The following TFDP2 variants were observed in gnomAD, a reference collection of about 807,000 sequenced individuals.
TFDP2 encodes transcription factor Dp-2 (E2F dimerization partner 2).
Under a neutral mutation model 59.3 loss-of-function variants are expected in TFDP2, and 17 were observed. The observed-to-expected ratio is 0.29, with a 90% CI of 0.20 to 0.43. The LOEUF is 0.43. Ranked by LOEUF, TFDP2 falls within the 20% of genes least tolerant of loss-of-function variation. The pLI is 1.00. For missense variants in TFDP2, 391 were observed against 528.8 expected (o/e 0.74, Z 2.56); for synonymous variants, 180 against 194.7 (o/e 0.92, Z 0.63).
intron 3 of TFDP2, among the ~76,000 whole-genome samples, chr3:142,011,382 T>C (rs1367488974): frequency 1.2e-4 from 17 of 138,800 alleles, no homozygotes; most frequent in South Asian, 7.3e-4. Flanking sequence ...TAGGTGGGAA[T>C]TGAATATTGA....
chr3:141,977,089 C>T (rs1576542796), intron 7 of TFDP2, among the ~76,000 whole-genome samples: 1 of 110,946 alleles, frequency 9.0e-6, no homozygotes, highest in Non-Finnish European at 1.7e-5. Context: ...CAGTCATAGC[C>T]ATATATATAT....
At position 142,105,655 on chromosome 3, in the gene TFDP2, G is replaced by C. The variant is rs189612019; in HGVS notation, c.-92-3814C>G. Among the ~76,000 whole-genome samples, 156 of 152,242 alleles carry C rather than the reference G, an allele frequency of 1.0e-3. 1 individual carries two copies. The highest frequency in any genetic ancestry group is 3.7e-3 in the African/African-American group (153 of 41,544). On this transcript the variant is annotated intron_variant, in intron 1 of 12. Transcript: ENST00000489671. ...AGTATTACTATTTCAGCACAATATA[G>C]TAAGAGGGTACCAATAAAAATAGCC...
At chr3:142,108,840 G>A (rs925296873) in intron 1 of TFDP2, among the ~76,000 whole-genome samples, 10 of 151,986 alleles carry the variant, frequency 6.6e-5, no homozygotes, top group African/African-American at 1.2e-4. Context: ...GTTCAAAACC[G>A]TGCTCCTCCT....
At chr3:141,973,123 A>ATTTTTTTTTTTT (rs761950988) in intron 8 of TFDP2, among the ~76,000 whole-genome samples, 1 of 58,022 alleles carries the variant, frequency 1.7e-5, no homozygotes, top group Admixed American at 1.8e-4. Flanking sequence ...ATATATATAT[A>ATTTTTTTTTTTT]TTTTTTTTTT....
chr3:142,101,973 G>A (rs562190481), intron 1 of TFDP2, 132 bp from the exon 2 acceptor site: 4 of 392,534 alleles, frequency 1.0e-5, no homozygotes, highest in African/African-American at 8.1e-5. Context: ...ACACTATGAG[G>A]TTTGTACCAT....
chr3:142,061,051 T>C (rs555777512), intron 3 of TFDP2, among the ~76,000 whole-genome samples: 1 of 152,316 alleles, frequency 6.6e-6, no homozygotes, highest in South Asian at 2.1e-4. Context: ...TCTCATTAGG[T>C]ACCATATTAC....
At chr3:142,091,230 T>C (rs1364256306) in intron 3 of TFDP2, among the ~76,000 whole-genome samples, 1 of 152,114 alleles carries the variant, frequency 6.6e-6, no homozygotes, top group Admixed American at 6.6e-5. Flanking sequence ...AATGTTGTCA[T>C]GTGGGAAAAA....
At chr3:142,026,228 G>A (rs1037585875) in intron 3 of TFDP2, among the ~76,000 whole-genome samples, 9 of 151,994 alleles carry the variant, frequency 5.9e-5, no homozygotes, top group African/African-American at 2.2e-4. Flanking sequence ...GGTGGTGGAC[G>A]CCTGTAGTCC....
chr3:142,001,278 G>A (rs1474040617), intron 4 of TFDP2, among the ~76,000 whole-genome samples: 1 of 152,208 alleles, frequency 6.6e-6, no homozygotes, highest in Non-Finnish European at 1.5e-5. Context: ...GTGCCCTCTA[G>A]AGGAGCAGCC....
intron 3 of TFDP2, among the ~76,000 whole-genome samples, chr3:142,017,227 T>C (rs1945196656): frequency 6.6e-6 from 1 of 152,224 alleles, no homozygotes; most frequent in Non-Finnish European, 1.5e-5. Context: ...AATTACTATC[T>C]GTCTTGTCAC....
At chr3:141,965,308 G>A (rs1233211078) in intron 9 of TFDP2, among the ~76,000 whole-genome samples, 1 of 151,520 alleles carries the variant, frequency 6.6e-6, no homozygotes, top group Non-Finnish European at 1.5e-5. Context: ...TTTATTTCAG[G>A]TTCTGGACCT....
chr3:142,018,515 TGCAGTGGA>T, intron 3 of TFDP2, among the ~76,000 whole-genome samples: 1 of 152,292 alleles, frequency 6.6e-6, no homozygotes, highest in East Asian at 1.9e-4. Flanking sequence ...CAGGCTGGAC[TGCAGTGGA>T]ACAATCACAG....
intron 3 of TFDP2, among the ~76,000 whole-genome samples, chr3:142,059,216 G>C (rs2059837596): frequency 6.6e-6 from 1 of 151,996 alleles, no homozygotes; most frequent in East Asian, 1.9e-4. Flanking sequence ...ACAAAGCCCT[G>C]AAGCTTCAGG....
At chr3:141,960,748 TA>T (rs991442394) in intron 10 of TFDP2, among the ~76,000 whole-genome samples, 86 of 148,198 alleles carry the variant, frequency 5.8e-4, no homozygotes, top group African/African-American at 5.2e-4. Flanking sequence ...AATAACAACT[TA>T]AAAAAAAAAA....
chr3:142,148,577 G>A (rs1286917630), intron 1 of TFDP2, among the ~76,000 whole-genome samples: 1 of 152,188 alleles, frequency 6.6e-6, no homozygotes, highest in African/African-American at 2.4e-5. Context: ...AGCACAGGCT[G>A]GTAAGAGAGA....
At chr3:142,030,234 G>A (rs908434907) in intron 3 of TFDP2, among the ~76,000 whole-genome samples, 1 of 152,142 alleles carries the variant, frequency 6.6e-6, no homozygotes, top group African/African-American at 2.4e-5. Context: ...TTGTAAACAC[G>A]TGTTAGTATA....
At chr3:141,981,006 A>AAT in intron 6 of TFDP2, among the ~76,000 whole-genome samples, 1 of 152,328 alleles carries the variant, frequency 6.6e-6, no homozygotes, top group African/African-American at 2.4e-5. Flanking sequence ...AGTGATTATA[A>AAT]AGTCTAAAGT....
At chr3:142,118,011 T>TCCCTTGAA (rs1303608703) in intron 1 of TFDP2, among the ~76,000 whole-genome samples, 1 of 151,946 alleles carries the variant, frequency 6.6e-6, no homozygotes, top group East Asian at 1.9e-4. Flanking sequence ...GGCAAAAGAA[T>TCCCTTGAA]CCCTTGAACC....
At chr3:142,001,190 G>C (rs186736957) in intron 4 of TFDP2, among the ~76,000 whole-genome samples, 1 of 152,344 alleles carries the variant, frequency 6.6e-6, no homozygotes, top group Non-Finnish European at 1.5e-5. Context: ...CTAGGTGGAA[G>C]TTATCATACC....
Sources: allele counts gnomAD v4.1 joint callset (sites outside exome capture counted in the v4.1 genomes callset), GRCh38; gene constraint gnomAD v4.1.1; transcripts MANE v1.5; gene names NCBI Gene and HGNC (gene_info 2026-07-23, HGNC 2026-07-21).